The following GRXCR1 variants were observed in gnomAD, a reference collection of about 807,000 sequenced individuals.
The protein encoded by GRXCR1 is glutaredoxin domain-containing cysteine-rich protein 1.
Under a neutral mutation model 27.3 loss-of-function variants are expected in GRXCR1, and 27 were observed. The ratio of observed to expected loss-of-function variants is 0.99; its 90% CI spans 0.73 to 1.37. GRXCR1 has a LOEUF of 1.37. GRXCR1 is among the 40% of genes most tolerant of loss of function. The pLI is 0.00. For synonymous variants in GRXCR1, 122 were observed against 131.1 expected, an observed-to-expected ratio of 0.93 and a Z score of 0.47; for missense variants, 379 against 354.4, an observed-to-expected ratio of 1.07 and a Z score of -0.56.
chr4:43,014,132 G>T (rs12643727), intron 2 of GRXCR1, among the ~76,000 whole-genome samples: 31,236 of 150,930 alleles, frequency 0.21, 3,978 homozygotes, highest in Admixed American at 0.28. Flanking sequence ...GAAAAACCAC[G>T]CTCTTTAGGA....
intron 2 of GRXCR1, among the ~76,000 whole-genome samples, chr4:42,992,008 A>T (rs1711990319): frequency 6.6e-6 from 1 of 152,154 alleles, no homozygotes; most frequent in South Asian, 2.1e-4. Context: ...TTCCTTTTGC[A>T]GCACTTTCTT....
rs1746268972 is a variant in GRXCR1, at chr4:42,893,085, A to C, written c.-182A>C. Among the ~76,000 whole-genome samples, 2 of 152,082 alleles carry C rather than the reference A, an allele frequency of 1.3e-5. No homozygotes were observed. The highest frequency in any genetic ancestry group is 1.3e-4 in the Admixed American group (2 of 15,254). On this transcript the variant is annotated 5_prime_UTR_variant, in exon 1 of 4. Transcript: ENST00000399770. Reference sequence around the variant, plus strand: ...AGGTAACCATAGCACACACACACACATTTATTATTAATAGCAGAGACACAC... The same window carrying C: ...AGGTAACCATAGCACACACACACACCTTTATTATTAATAGCAGAGACACAC...
Position 42,893,500 on chromosome 4 carries a change from T to C in GRXCR1, c.234T>C (p.Asp78=), listed in dbSNP as rs376086928. 134 of 1,613,816 alleles carry C rather than the reference T, an allele frequency of 8.3e-5. 1 individual carries two copies. In the South Asian group the frequency reaches 1.3e-3, roughly 15 times the overall value. ...GTGATGAGAATGAGAATGACCAGGATAGCTTGCTGGTGTTAGCAAGGGCTG... is the reference window on the plus strand; with the variant it reads ...GTGATGAGAATGAGAATGACCAGGACAGCTTGCTGGTGTTAGCAAGGGCTG... ...SEGDENENDQ[D]SLLVLARAAS... Residue 78 remains aspartate, a synonymous_variant, in exon 1 of 4, where the codon GAT becomes GAC. Transcript: ENST00000399770.
At chr4:42,900,192 A>G (rs561038796) in intron 1 of GRXCR1, among the ~76,000 whole-genome samples, 3 of 152,322 alleles carry the variant, frequency 2.0e-5, no homozygotes, top group East Asian at 3.9e-4. Flanking sequence ...AAATGTATCA[A>G]TCCTTCAATA....
chr4:43,007,103 T>G (rs879867330), intron 2 of GRXCR1, among the ~76,000 whole-genome samples: 1 of 152,232 alleles, frequency 6.6e-6, no homozygotes, highest in Non-Finnish European at 1.5e-5. Context: ...TAATAGATTC[T>G]GGGATTGACA....
chr4:43,025,071 C>T (rs1713209985), intron 3 of GRXCR1, among the ~76,000 whole-genome samples: 2 of 152,124 alleles, frequency 1.3e-5, no homozygotes, highest in Admixed American at 6.5e-5. Context: ...TTGATCTTAG[C>T]ATCCTGTTTC....
intron 2 of GRXCR1, among the ~76,000 whole-genome samples, chr4:43,000,267 C>G (rs1712308053): frequency 6.6e-6 from 1 of 151,966 alleles, no homozygotes; most frequent in Non-Finnish European, 1.5e-5. Flanking sequence ...ATCATGAGGT[C>G]AGGAGATTGA....
intron 1 of GRXCR1, among the ~76,000 whole-genome samples, chr4:42,904,328 T>C (rs904609596): frequency 1.3e-5 from 2 of 152,216 alleles, no homozygotes; most frequent in African/African-American, 4.8e-5. Flanking sequence ...CTTGAAAACA[T>C]TCTTCTATCA....
At chr4:42,939,530 A>G (rs1747556415) in intron 1 of GRXCR1, among the ~76,000 whole-genome samples, 1 of 152,044 alleles carries the variant, frequency 6.6e-6, no homozygotes, top group Non-Finnish European at 1.5e-5. Flanking sequence ...TAGGACTCCC[A>G]GTACTATGTT....
intron 1 of GRXCR1, among the ~76,000 whole-genome samples, chr4:42,931,073 T>G (rs1317264517): frequency 9.2e-5 from 14 of 151,912 alleles, no homozygotes; most frequent in Admixed American, 9.2e-4. Flanking sequence ...TTTTTTTCCC[T>G]TTTTACAAAT....
intron 2 of GRXCR1, among the ~76,000 whole-genome samples, chr4:42,972,559 A>C (rs983049745): frequency 1.5e-4 from 23 of 152,170 alleles, no homozygotes; most frequent in Non-Finnish European, 2.9e-4. Flanking sequence ...TTTAGTCATA[A>C]GAACAATGAC....
intron 2 of GRXCR1, among the ~76,000 whole-genome samples, chr4:43,006,144 AC>A (rs1443085818): frequency 6.6e-6 from 1 of 152,140 alleles, no homozygotes; most frequent in Non-Finnish European, 1.5e-5. Flanking sequence ...GCCTGTCTTT[AC>A]TTTAATCTCT....
At chr4:42,924,826 G>A (rs887844183) in intron 1 of GRXCR1, among the ~76,000 whole-genome samples, 2 of 152,002 alleles carry the variant, frequency 1.3e-5, no homozygotes, top group South Asian at 4.1e-4. Flanking sequence ...ATGCAGGATG[G>A]GGGTAACAGG....
chr4:42,995,898 ACT>A (rs1712140519), intron 2 of GRXCR1, among the ~76,000 whole-genome samples: 3 of 152,236 alleles, frequency 2.0e-5, no homozygotes, highest in African/African-American at 2.4e-5. Context: ...GTTCAGTGCA[ACT>A]CTGCAGTGTA....
chr4:42,995,241 A>G (rs913877868), intron 2 of GRXCR1, among the ~76,000 whole-genome samples: 4 of 152,174 alleles, frequency 2.6e-5, no homozygotes, highest in Admixed American at 1.3e-4. Flanking sequence ...TTATGTTACT[A>G]AGAAAAAAAT....
At chr4:42,990,318 A>G (rs957059680) in intron 2 of GRXCR1, among the ~76,000 whole-genome samples, 1 of 146,678 alleles carries the variant, frequency 6.8e-6, no homozygotes, top group Non-Finnish European at 1.5e-5. Context: ...CAGCCTCCCA[A>G]GTAGCTGGGA....
rs1336525679 is a variant in GRXCR1, at chr4:43,030,464, C to T, written c.797C>T (p.Thr266Ile). The change falls in exon 4 of 4, where the codon ACA becomes ATA. Residue 266 changes from threonine to isoleucine, a missense_variant. Physicochemically the swap from Thr to Ile is moderately conservative, Grantham distance 89. Transcript: ENST00000399770. ...ATGTCCATGTTTCGAAACTGCTTCA[C>T]AGACTCTTTCAAAGCCCTGAAGTGT... ...SKMSMFRNCF[T>I]DSFKALKCTA... 6.2e-7 allele frequency: 1 copy of T among 1,613,968 alleles called. No homozygotes were observed. The highest frequency in any genetic ancestry group is 1.3e-5 in the African/African-American group (1 of 74,896).
chr4:42,987,965 C>T (rs1560677292), intron 2 of GRXCR1, among the ~76,000 whole-genome samples: 2 of 152,136 alleles, frequency 1.3e-5, no homozygotes. Flanking sequence ...TTAGAGTCTC[C>T]TAAGGGCAGG....
At chr4:43,027,314 C>G (rs1304291808) in intron 3 of GRXCR1, among the ~76,000 whole-genome samples, 1 of 151,908 alleles carries the variant, frequency 6.6e-6, no homozygotes, top group Admixed American at 6.6e-5. Context: ...TTTAGAATGG[C>G]CTTGTTGTAT....
Sources: gnomAD v4.1 joint callset for allele counts (sites outside exome capture counted in the v4.1 genomes callset) on GRCh38, gnomAD v4.1.1 for gene constraint, MANE v1.5 for transcripts, NCBI Gene and HGNC (gene_info 2026-07-23, HGNC 2026-07-21) for gene names.